ACOT8: variants seen among roughly 807,000 people sequenced by gnomAD.
The protein encoded by ACOT8 is acyl-coenzyme A thioesterase 8.
Under a neutral mutation model 38.4 loss-of-function variants are expected in ACOT8, and 31 were observed. The observed-to-expected ratio is 0.81, with a 90% CI of 0.61 to 1.09. The LOEUF is 1.09. ACOT8 is among the 50% of genes least tolerant of loss of function. The pLI is 0.00. For synonymous variants in ACOT8, 158 were observed against 170.3 expected, an observed-to-expected ratio of 0.93 and a Z score of 0.56; for missense variants, 373 against 421.8, an observed-to-expected ratio of 0.88 and a Z score of 1.01.
At chr20:45,848,759 A>G (rs1194021907) in intron 2 of ACOT8, 84 bp from the exon 3 acceptor site, 3 of 1,204,212 alleles carry the variant, frequency 2.5e-6, no homozygotes, top group East Asian at 2.5e-5. Context: ...CTCATCTTCC[A>G]TTCCATTTCA....
Position 45,857,334 on chromosome 20 carries a change from C to G in ACOT8, c.-19G>C, listed in dbSNP as rs764161018. 23 of 1,583,232 alleles carry G rather than the reference C, an allele frequency of 1.5e-5. No homozygotes were observed. In the South Asian group the frequency reaches 1.8e-4, roughly 13 times the overall value. On this transcript the variant is annotated 5_prime_UTR_variant, in exon 1 of 6. Transcript: ENST00000217455. ...ACGACATCTAGTTCAATGCTGCAGGCCCTGCACACCCGCTCCGCGGAAGAC... is the reference window on the plus strand; with the variant it reads ...ACGACATCTAGTTCAATGCTGCAGGGCCTGCACACCCGCTCCGCGGAAGAC...
At chr20:45,854,020 GTT>G (rs34682341) in intron 2 of ACOT8, 27 of 1,250,058 alleles carry the variant, frequency 2.2e-5, no homozygotes, top group Non-Finnish European at 2.8e-5. Flanking sequence ...AACAGTGAGG[GTT>G]TTTTTTGTTT....
intron 3 of ACOT8, 124 bp from the exon 4 acceptor site, chr20:45,844,544 C>A: frequency 8.7e-7 from 1 of 1,153,476 alleles, no homozygotes. Context: ...GCTCCCCTCC[C>A]CTGTGGCAGG....
intron 2 of ACOT8, among the ~76,000 whole-genome samples, chr20:45,854,272 C>T (rs1414455327): frequency 9.8e-6 from 1 of 102,006 alleles, no homozygotes; most frequent in Non-Finnish European, 2.6e-5. Context: ...TGCAGTGGCA[C>T]GATCTTGGCT....
chr20:45,844,123 T>G, intron 4 of ACOT8, 140 bp downstream of exon 4: 9 of 1,192,488 alleles, frequency 7.5e-6, no homozygotes, highest in South Asian at 1.3e-5. Flanking sequence ...AGGGCCCAGG[T>G]GAGAAGCTAA....
At chr20:45,854,305 G>A (rs1020891999) in intron 2 of ACOT8, among the ~76,000 whole-genome samples, 37 of 152,036 alleles carry the variant, frequency 2.4e-4, no homozygotes, top group Non-Finnish European at 4.7e-4. Flanking sequence ...CGCCTTCCGG[G>A]TTCACACCAT....
intron 5 of ACOT8, 37 bp downstream of exon 5, chr20:45,843,490 A>T: frequency 6.3e-7 from 1 of 1,599,084 alleles, no homozygotes; most frequent in Non-Finnish European, 8.5e-7. Context: ...CTGCCACTCA[A>T]GGTCAGTGCC....
intron 3 of ACOT8, among the ~76,000 whole-genome samples, chr20:45,847,439 T>TG: frequency 6.7e-6 from 1 of 150,334 alleles, no homozygotes; most frequent in East Asian, 2.0e-4. Context: ...AATATATATA[T>TG]GGTTTTTTTT....
At chr20:45,847,055 C>A (rs1275499136) in intron 3 of ACOT8, among the ~76,000 whole-genome samples, 1 of 151,924 alleles carries the variant, frequency 6.6e-6, no homozygotes, top group Non-Finnish European at 1.5e-5. Context: ...TAAAAAAATA[C>A]AAAAATTAGC....
rs755151117 is a variant in ACOT8 at position 45,855,271 on chromosome 20, C to T, written c.150G>A (p.Pro50=). 1.7e-5 allele frequency: 28 copies of T among 1,613,974 alleles called. No individual in the cohort carries two copies. The highest frequency in any genetic ancestry group is 9.3e-5 in the African/African-American group (7 of 74,908). ...DLFRGRHYWV[P]AKRLFGGQIV... ...TCTGACCACCAAACAGCCTCTTGGC[C>T]GGTACCCAGTAATGCCTTCCTCTGT... Residue 50 remains proline (P), a synonymous_variant, in exon 2 of 6, where the codon CCG becomes CCA. Transcript: ENST00000217455.
At position 45,843,572 on chromosome 20, in the gene ACOT8, G is replaced by A. The variant is rs144748462; in HGVS notation, c.796C>T (p.Arg266Ter). The change falls in exon 5 of 6, where the codon CGA becomes TGA. Residue 266 changes from arginine (R) to a stop codon, truncating the protein, a stop_gained. Transcript: ENST00000217455. LOFTEE classifies it high-confidence loss of function. ...DHSMWFHAPF[R>*]ADHWMLYECE... ...TCATAGAGCATCCAGTGGTCAGCTC[G>A]GAAGGGGGCGTGGAACCACATGGAA... is the stretch of plus-strand genomic sequence containing the variant. 3.7e-5 allele frequency: 60 copies of A among 1,612,356 alleles called. No homozygotes were observed. Among genetic ancestry groups the A allele is most frequent in the Non-Finnish European group, 4.4e-5 (52 of 1,178,742 alleles).
intron 2 of ACOT8, among the ~76,000 whole-genome samples, chr20:45,854,231 G>GCCCAGGCTGGAGTGCTCC (rs1985255474): frequency 2.0e-5 from 2 of 98,474 alleles, no homozygotes; most frequent in South Asian, 4.9e-4. Context: ...TCGCTCTGTT[G>GCCCAGGCTGGAGTGCTCC]CCCAGGCTGG....
chr20:45,841,728 G>T lies in ACOT8; in HGVS notation c.*110C>A. ...GAATTAAAAGCCAGCCACTCCAGTG[G>T]TATCAGTCTCTTTATTGGATGTGAG... On this transcript the variant is annotated 3_prime_UTR_variant, in exon 6 of 6. Coordinates refer to ENST00000217455, the MANE Select transcript of ACOT8 (RefSeq NM_005469.4). The T allele has an allele frequency of 2.1e-6, 3 of 1,437,190 alleles. No homozygotes were observed. Among genetic ancestry groups the T allele is most frequent in the Non-Finnish European group, 2.7e-6 (3 of 1,101,646 alleles). 89.0% of individuals were successfully genotyped at this position (1,437,190 alleles called of 1,614,324 possible).
chr20:45,843,968 G>A (rs1984474220), intron 4 of ACOT8: 4 of 820,926 alleles, frequency 4.9e-6, no homozygotes, highest in Non-Finnish European at 7.5e-6. Context: ...CAAAAGGGGT[G>A]TCTTCTTCCA....
intron 2 of ACOT8, 53 bp from the exon 3 acceptor site, chr20:45,848,728 C>T (rs553157848): frequency 3.5e-5 from 50 of 1,444,130 alleles, no homozygotes; most frequent in Admixed American, 2.8e-4. Context: ...ATCATCACAA[C>T]GCCTGACAGG....
intron 2 of ACOT8, chr20:45,853,338 T>G (rs1985183982): frequency 6.6e-6 from 1 of 152,258 alleles, no homozygotes; most frequent in African/African-American, 2.4e-5. Flanking sequence ...GGTCCCAGTT[T>G]CCTTAGGTAA....
chr20:45,851,091 G>A (rs574895409), intron 2 of ACOT8, among the ~76,000 whole-genome samples: 2 of 152,198 alleles, frequency 1.3e-5, no homozygotes, highest in Non-Finnish European at 2.9e-5. Flanking sequence ...CTAGAGAAGT[G>A]TTGCTTCCTT....
intron 2 of ACOT8, among the ~76,000 whole-genome samples, chr20:45,854,165 C>A (rs751808044): frequency 7.1e-6 from 1 of 140,586 alleles, no homozygotes; most frequent in Non-Finnish European, 1.6e-5. Flanking sequence ...TCCCAATGTG[C>A]GGGGATTATA....
chr20:45,848,517 A>G lies in ACOT8; in HGVS notation c.421T>C (p.Ser141Pro). Residue 141 changes from serine to proline, a missense_variant, in exon 3 of 6, where the codon TCC (serine) becomes CCC (proline). Coordinates refer to ENST00000217455, the MANE Select transcript of ACOT8 (RefSeq NM_005469.4). ...TCTGGTGGTGGCACAGTGGGCATGG[A>G]GAACTGGTGCTGCATGGGGCTGGGC... ...AQPSPMQHQF[S>P]MPTVPPPEEL... 1 of 1,613,760 alleles carries G rather than the reference A, an allele frequency of 6.2e-7. No individual in the cohort carries two copies. The highest frequency in any genetic ancestry group is 1.3e-5 in the African/African-American group (1 of 74,986).
Sources: gnomAD v4.1 joint callset for allele counts (sites outside exome capture counted in the v4.1 genomes callset) on GRCh38, gnomAD v4.1.1 for gene constraint, MANE v1.5 for transcripts, NCBI Gene and HGNC (gene_info 2026-07-23, HGNC 2026-07-21) for gene names.